The following RREB1 variants were observed in gnomAD, a reference collection of about 807,000 sequenced individuals.
RREB1 encodes ras responsive element binding protein 1.
In RREB1, 27 loss-of-function variants were observed where a neutral mutation model predicts 117.8. The observed-to-expected ratio is 0.23, with a 90% CI of 0.17 to 0.32. The LOEUF is 0.32. Ranked by LOEUF, RREB1 falls within the 10% of genes least tolerant of loss-of-function variation. The pLI, the probability that RREB1 is intolerant of heterozygous loss-of-function variation, is 1.00. For synonymous variants in RREB1, 1,298 were observed against 1,026.7 expected (o/e 1.26, Z -5.05); for missense variants, 2,577 against 2,378.2 (o/e 1.08, Z -1.74).
intron 1 of RREB1, among the ~76,000 whole-genome samples, chr6:7,167,779 C>T (rs746468314): frequency 2.0e-5 from 3 of 152,198 alleles, no homozygotes; most frequent in Admixed American, 6.5e-5. Context: ...AATAGTGTAG[C>T]ATCAGTAGCT....
At chr6:7,148,150 G>C (rs1762956988) in intron 1 of RREB1, among the ~76,000 whole-genome samples, 1 of 152,138 alleles carries the variant, frequency 6.6e-6, no homozygotes, top group Non-Finnish European at 1.5e-5. Flanking sequence ...AGCCACAAAG[G>C]TGTTAGGAAG....
chr6:7,235,518 A>G (rs1188418826), intron 10 of RREB1, among the ~76,000 whole-genome samples: 1 of 152,212 alleles, frequency 6.6e-6, no homozygotes, highest in Non-Finnish European at 1.5e-5. Flanking sequence ...TGTACAGACA[A>G]GGTCTCACCA....
intron 6 of RREB1, among the ~76,000 whole-genome samples, chr6:7,198,465 C>T (rs1028042724): frequency 6.6e-6 from 1 of 152,176 alleles, no homozygotes; most frequent in African/African-American, 2.4e-5. Flanking sequence ...AAGCAAATGT[C>T]CTTCAGGGAT....
intron 4 of RREB1, 133 bp from the exon 5 acceptor site, chr6:7,187,301 A>C: frequency 2.1e-6 from 1 of 471,080 alleles, no homozygotes; most frequent in African/African-American, 2.0e-5. Context: ...GCACAAGCTT[A>C]TACCTGGGCA....
chr6:7,244,262 C>CAA (rs560699173), intron 11 of RREB1, among the ~76,000 whole-genome samples: 2,229 of 108,308 alleles, frequency 0.021, 41 homozygotes, highest in African/African-American at 0.066. Flanking sequence ...GACTCCATCT[C>CAA]AAAAAAAAAA....
At chr6:7,240,359 A>G (rs1341792707) in intron 10 of RREB1, 79 bp from the exon 11 acceptor site, 14 of 1,220,088 alleles carry the variant, frequency 1.1e-5, no homozygotes, top group Non-Finnish European at 1.5e-5. Context: ...CAATGATCCC[A>G]GGAGAATAAA....
chr6:7,126,055 G>T (rs187075951), intron 1 of RREB1, among the ~76,000 whole-genome samples: 3 of 152,198 alleles, frequency 2.0e-5, no homozygotes, highest in Non-Finnish European at 4.4e-5. Flanking sequence ...AAGCTGGAGT[G>T]CAGTGGCACG....
intron 1 of RREB1, chr6:7,139,099 C>T (rs1762457361): frequency 6.6e-6 from 1 of 152,190 alleles, no homozygotes; most frequent in Admixed American, 6.5e-5. Context: ...CTTGGCTGCC[C>T]CTTGCCCTGC....
rs1322516460 is a variant in RREB1, at chr6:7,230,425, T to TGCGGCC, written c.2333_2338dup (p.Arg778_Gly779dup). On this transcript the variant is annotated inframe_insertion, in exon 10 of 13. Transcript: ENST00000379938. ...CCTGCGCATCCACATGCGCACGCACTGCGGCCGCGGCCTGGGCGGGGGCCA... is the reference window on the plus strand; with the variant it reads ...CCTGCGCATCCACATGCGCACGCACTGCGGCCGCGGCCGCGGCCTGGGCGGGGGCCA... 1 of 1,591,092 alleles carries TGCGGCC rather than the reference T, an allele frequency of 6.3e-7. No individual in the cohort carries two copies. The highest frequency in any genetic ancestry group is 2.2e-5 in the East Asian group (1 of 44,654).
chr6:7,231,825 C>T lies in RREB1; in HGVS notation c.3726C>T (p.Cys1242=). 6.2e-7 allele frequency: 1 copy of T among 1,613,754 alleles called. No individual in the cohort carries two copies. The change falls in exon 10 of 13, where the codon TGC becomes TGT. Residue 1242 remains cysteine (C), a synonymous_variant. Coordinates refer to ENST00000379938, the MANE Select transcript of RREB1 (RefSeq NM_001003699.4). ...LRAKRNSYTN[C]LQKITCPHCP... ...CCAAGCGGAACTCGTACACCAACTG[C>T]CTGCAGAAGATCACCTGTCCCCACT...
In RREB1 at chr6:7,141,396, A is replaced by G. The variant is rs73719064; in HGVS notation, c.-285+33336A>G. On this transcript the variant is annotated intron_variant, in intron 1 of 12. Coordinates refer to ENST00000379938, the MANE Select transcript of RREB1 (RefSeq NM_001003699.4). Reference sequence around the variant, plus strand: ...GAGCTCTTCAGAGATGCCTTTAGCAACTCAGCTCCTTAAAAATAATAAATT... The same window carrying G: ...GAGCTCTTCAGAGATGCCTTTAGCAGCTCAGCTCCTTAAAAATAATAAATT... Among the ~76,000 whole-genome samples the G allele has an allele frequency of 8.0e-3, 1,221 of 152,302 alleles. 17 individuals carry two copies. Among genetic ancestry groups the G allele is most frequent in the African/African-American group, 0.028 (1,164 of 41,562 alleles).
At chr6:7,145,497 T>C (rs2113404222) in intron 1 of RREB1, among the ~76,000 whole-genome samples, 1 of 152,296 alleles carries the variant, frequency 6.6e-6, no homozygotes, top group African/African-American at 2.4e-5. Context: ...CAGGCTGCCC[T>C]TATTAACCCT....
intron 1 of RREB1, among the ~76,000 whole-genome samples, chr6:7,117,929 G>A (rs918952265): frequency 4.6e-5 from 7 of 152,016 alleles, no homozygotes; most frequent in African/African-American, 7.2e-5. Context: ...GTGTGTGGAA[G>A]TTCTTGGTAT....
intron 1 of RREB1, among the ~76,000 whole-genome samples, chr6:7,169,904 T>C (rs79225509): frequency 1.3e-3 from 201 of 152,284 alleles, no homozygotes; most frequent in African/African-American, 4.5e-3. Context: ...CGTAGATAAA[T>C]TTGGTAGGCA....
intron 1 of RREB1, among the ~76,000 whole-genome samples, chr6:7,111,691 A>G (rs1761154540): frequency 6.6e-6 from 1 of 152,130 alleles, no homozygotes; most frequent in Non-Finnish European, 1.5e-5. Context: ...TATTTAAATA[A>G]TCTCTTTCTT....
chr6:7,148,599 C>T (rs1455317648), intron 1 of RREB1, among the ~76,000 whole-genome samples: 2 of 151,776 alleles, frequency 1.3e-5, no homozygotes, highest in Non-Finnish European at 2.9e-5. Context: ...AGTTGTTCAT[C>T]GTGATGATCC....
chr6:7,238,036 G>A (rs1032637323), intron 10 of RREB1, among the ~76,000 whole-genome samples: 4 of 152,160 alleles, frequency 2.6e-5, no homozygotes, highest in Non-Finnish European at 4.4e-5. Flanking sequence ...GCGAGAAGCC[G>A]ATTGTTTTCT....
chr6:7,188,240 T>TGTGTGTGTGCGC (rs1561769912), intron 5 of RREB1, among the ~76,000 whole-genome samples: 2 of 150,970 alleles, frequency 1.3e-5, no homozygotes, highest in African/African-American at 4.9e-5. Flanking sequence ...TGTGTGTGTG[T>TGTGTGTGTGCGC]GTGTGTGTGT....
chr6:7,138,832 TGGA>T (rs1440674246), intron 1 of RREB1, among the ~76,000 whole-genome samples: 1 of 152,260 alleles, frequency 6.6e-6, no homozygotes, highest in Non-Finnish European at 1.5e-5. Context: ...TCCTAGTTGC[TGGA>T]GAAGGTAATC....
Sources: gnomAD v4.1 joint callset for allele counts (sites outside exome capture counted in the v4.1 genomes callset) on GRCh38, gnomAD v4.1.1 for gene constraint, MANE v1.5 for transcripts, NCBI Gene and HGNC (gene_info 2026-07-23, HGNC 2026-07-21) for gene names.